The following FMN1 variants were observed in gnomAD, a reference collection of about 807,000 sequenced individuals.
FMN1 encodes the protein formin-1.
A neutral mutation model predicts 132.4 loss-of-function variants in FMN1; 110 were observed. The ratio of observed to expected loss-of-function variants is 0.83; its 90% CI spans 0.71 to 0.97. FMN1 has a LOEUF of 0.97. Among genes scored for constraint, FMN1 ranks in the 50% least tolerant of loss-of-function variants. The pLI is 0.00. For missense variants in FMN1, 1,792 were observed against 1,705.3 expected (o/e 1.05, Z -0.90); for synonymous variants, 722 against 651.7 (o/e 1.11, Z -1.64).
intron 9 of FMN1, among the ~76,000 whole-genome samples, chr15:32,947,569 G>C (rs747119352): frequency 6.6e-6 from 1 of 151,156 alleles, no homozygotes; most frequent in African/African-American, 2.4e-5. Flanking sequence ...CTTAGATTTT[G>C]ATTGAAATGA....
chr15:32,857,313 C>T (rs2059156726), intron 16 of FMN1, among the ~76,000 whole-genome samples: 2 of 152,168 alleles, frequency 1.3e-5, no homozygotes, highest in African/African-American at 4.8e-5. Context: ...TCATTCTACA[C>T]CACTCTTGAG....
intron 6 of FMN1, among the ~76,000 whole-genome samples, chr15:33,062,033 A>G (rs1267499749): frequency 6.6e-6 from 1 of 152,212 alleles, no homozygotes; most frequent in Non-Finnish European, 1.5e-5. Context: ...AAATATTTAA[A>G]ACTTCCACAC....
At chr15:33,047,378 G>A (rs530277790) in intron 6 of FMN1, among the ~76,000 whole-genome samples, 51 of 152,306 alleles carry the variant, frequency 3.3e-4, no homozygotes, top group African/African-American at 1.1e-3. Context: ...GTTTAAAAGC[G>A]AGAAATATTG....
At chr15:32,789,279 ATACAG>A (rs1292148270) in intron 19 of FMN1, among the ~76,000 whole-genome samples, 1 of 152,218 alleles carries the variant, frequency 6.6e-6, no homozygotes, top group East Asian at 1.9e-4. Flanking sequence ...AAAACTGAAG[ATACAG>A]TAAACCCCCA....
chr15:32,897,094 G>A (rs1293746150), intron 15 of FMN1, among the ~76,000 whole-genome samples: 2 of 152,084 alleles, frequency 1.3e-5, no homozygotes, highest in South Asian at 4.1e-4. Flanking sequence ...ATGTGGTAGG[G>A]TTTTGGTTTT....
At chr15:32,941,399 A>T (rs1219487801) in intron 9 of FMN1, among the ~76,000 whole-genome samples, 2 of 152,240 alleles carry the variant, frequency 1.3e-5, no homozygotes, top group Non-Finnish European at 2.9e-5. Context: ...GGGTTGGCCC[A>T]GAAGTCCACG....
chr15:32,971,462 G>A (rs892362959), intron 7 of FMN1, among the ~76,000 whole-genome samples: 1 of 152,166 alleles, frequency 6.6e-6, no homozygotes, highest in African/African-American at 2.4e-5. Flanking sequence ...TCACTCAACT[G>A]TGAGATCGAG....
intron 10 of FMN1, among the ~76,000 whole-genome samples, chr15:32,919,080 T>A (rs959720150): frequency 2.0e-5 from 3 of 152,168 alleles, no homozygotes; most frequent in African/African-American, 7.2e-5. Context: ...CAGGTCAGGG[T>A]CACATGGCAC....
At chr15:32,780,948 G>T (rs1039972071) in intron 19 of FMN1, among the ~76,000 whole-genome samples, 1 of 152,170 alleles carries the variant, frequency 6.6e-6, no homozygotes, top group African/African-American at 2.4e-5. Context: ...ATTCAAAATA[G>T]ACTAGAAAGA....
At chr15:33,004,669 C>G (rs2140928422) in intron 7 of FMN1, among the ~76,000 whole-genome samples, 3 of 152,216 alleles carry the variant, frequency 2.0e-5, no homozygotes, top group Middle Eastern at 3.4e-3. Flanking sequence ...ACCATTTGAC[C>G]CAGCCATCCC....
At chr15:32,819,025 T>C (rs2058133661) in intron 17 of FMN1, among the ~76,000 whole-genome samples, 1 of 152,008 alleles carries the variant, frequency 6.6e-6, no homozygotes, top group Non-Finnish European at 1.5e-5. Context: ...ATAACAATGA[T>C]TTATGAAGCT....
At chr15:32,988,049 G>GTTTTTTTTTTTTTTTTTTT (rs10573409) in intron 7 of FMN1, among the ~76,000 whole-genome samples, 5 of 118,168 alleles carry the variant, frequency 4.2e-5, no homozygotes, top group South Asian at 2.9e-4. Context: ...TGTCTCTCCA[G>GTTTTTTTTTTTTTTTTTTT]TTTTTTTTTT....
At chr15:32,924,156 C>G (rs2060901301) in intron 10 of FMN1, among the ~76,000 whole-genome samples, 1 of 152,144 alleles carries the variant, frequency 6.6e-6, no homozygotes, top group African/African-American at 2.4e-5. Flanking sequence ...ACTTGAGATT[C>G]TTCTAAAGTC....
intron 17 of FMN1, among the ~76,000 whole-genome samples, chr15:32,820,929 TA>T (rs1334725038): frequency 6.6e-6 from 1 of 152,094 alleles, no homozygotes; most frequent in Non-Finnish European, 1.5e-5. Flanking sequence ...TTTTGCTGAT[TA>T]AATCATTTGC....
intron 2 of FMN1, 25 bp downstream of exon 2, chr15:33,193,884 G>C (rs531367965): frequency 1.3e-5 from 2 of 152,156 alleles, no homozygotes; most frequent in Admixed American, 6.5e-5. Context: ...TGGGGGAGGG[G>C]GTTGGGGGAT....
At chr15:32,815,604 C>T (rs2058036508) in intron 17 of FMN1, among the ~76,000 whole-genome samples, 1 of 152,132 alleles carries the variant, frequency 6.6e-6, no homozygotes, top group South Asian at 2.1e-4. Flanking sequence ...CTAAGTTAAA[C>T]AATAATAGGA....
chr15:33,061,294 C>T (rs951553572), intron 6 of FMN1, among the ~76,000 whole-genome samples: 4 of 152,036 alleles, frequency 2.6e-5, no homozygotes, highest in South Asian at 2.1e-4. Context: ...CTAGCATGCT[C>T]GAGTCACTAG....
intron 16 of FMN1, among the ~76,000 whole-genome samples, chr15:32,868,174 G>C (rs1351632723): frequency 6.6e-6 from 1 of 152,158 alleles, no homozygotes; most frequent in Non-Finnish European, 1.5e-5. Flanking sequence ...GAAAAATTCT[G>C]ATAGTCCGGT....
At chr15:33,022,590 G>A (rs2035466635) in intron 6 of FMN1, among the ~76,000 whole-genome samples, 1 of 152,172 alleles carries the variant, frequency 6.6e-6, no homozygotes, top group African/African-American at 2.4e-5. Context: ...ATAACATAAA[G>A]CAAGTAAAAG....
Sources: allele counts gnomAD v4.1 joint callset (sites outside exome capture counted in the v4.1 genomes callset), GRCh38; gene constraint gnomAD v4.1.1; transcripts MANE v1.5; gene names NCBI Gene and HGNC (gene_info 2026-07-23, HGNC 2026-07-21).